SKA2: variants seen among roughly 807,000 people sequenced by gnomAD.
The protein encoded by SKA2 is spindle and kinetochore associated complex subunit 2, also known as spindle and kinetochore-associated protein 2.
A neutral mutation model predicts 16.9 loss-of-function variants in SKA2; 13 were observed. That is an observed-to-expected ratio of 0.77 (90% CI 0.50 to 1.22). The LOEUF is 1.22. Among genes scored for constraint, SKA2 ranks in the 50% most tolerant of loss-of-function variants. SKA2 has a pLI of 0.00. For synonymous variants in SKA2, 47 were observed against 48.5 expected, an observed-to-expected ratio of 0.97 and a Z score of 0.13; for missense variants, 107 against 139.7, an observed-to-expected ratio of 0.77 and a Z score of 1.18.
At chr17:59,142,690 G>A (rs2046500389) in intron 1 of SKA2, among the ~76,000 whole-genome samples, 2 of 151,696 alleles carry the variant, frequency 1.3e-5, no homozygotes, top group Admixed American at 1.3e-4. Context: ...ACTCTGGGAA[G>A]CCGAGGTGGG....
At chr17:59,130,626 CAA>C (rs1002412711) in intron 2 of SKA2, among the ~76,000 whole-genome samples, 2 of 123,972 alleles carry the variant, frequency 1.6e-5, no homozygotes, top group Non-Finnish European at 1.7e-5. Flanking sequence ...TGATCCGTCT[CAA>C]AAAAAAAAAA....
intron 1 of SKA2, 110 bp downstream of exon 1, chr17:59,155,021 G>A (rs998752239): frequency 3.7e-6 from 6 of 1,613,848 alleles, no homozygotes; most frequent in African/African-American, 1.3e-5. Context: ...ACTCGACTCT[G>A]GTCCAGCCTC....
At chr17:59,146,466 TC>T (rs2046533276) in intron 1 of SKA2, among the ~76,000 whole-genome samples, 1 of 150,174 alleles carries the variant, frequency 6.7e-6, no homozygotes, top group Non-Finnish European at 1.5e-5. Context: ...GCCACTACAC[TC>T]CAACCTGGGT....
At chr17:59,113,875 T>G (rs951367401) in intron 3 of SKA2, among the ~76,000 whole-genome samples, 1 of 151,896 alleles carries the variant, frequency 6.6e-6, no homozygotes, top group African/African-American at 2.4e-5. Flanking sequence ...CCACAATAAC[T>G]TCAGAAAAAG....
At chr17:59,125,540 A>T (rs572295808) in intron 2 of SKA2, among the ~76,000 whole-genome samples, 4 of 151,692 alleles carry the variant, frequency 2.6e-5, no homozygotes, top group Admixed American at 6.6e-5. Flanking sequence ...GTCTCTAATA[A>T]AAATACAAAA....
chr17:59,141,918 C>A (rs1018957259), intron 1 of SKA2, among the ~76,000 whole-genome samples: 1 of 152,036 alleles, frequency 6.6e-6, no homozygotes, highest in Non-Finnish European at 1.5e-5. Flanking sequence ...CTGGTAGGAC[C>A]TTTGCTACTG....
intron 2 of SKA2, among the ~76,000 whole-genome samples, chr17:59,121,074 C>T (rs1457723786): frequency 6.6e-6 from 1 of 151,488 alleles, no homozygotes; most frequent in African/African-American, 2.4e-5. Flanking sequence ...ATCGCTTGAA[C>T]CCGGGAGGCA....
At chr17:59,129,429 T>C (rs2046395393) in intron 2 of SKA2, 1 of 149,022 alleles carries the variant, frequency 6.7e-6, no homozygotes, top group African/African-American at 2.5e-5. Context: ...GATACTACAC[T>C]TGATCTTAGC....
chr17:59,118,021 T>A (rs2046308264), intron 3 of SKA2: 1 of 152,246 alleles, frequency 6.6e-6, no homozygotes, highest in African/African-American at 2.4e-5. Context: ...TCCCAGCACT[T>A]TGGGAGGCTG....
intron 1 of SKA2, among the ~76,000 whole-genome samples, chr17:59,146,800 G>A (rs1568311440): frequency 2.0e-5 from 3 of 152,088 alleles, no homozygotes; most frequent in Non-Finnish European, 1.5e-5. Flanking sequence ...ACGTAGCTGG[G>A]ACTACAGGCA....
chr17:59,139,993 C>T (rs2046475878), intron 1 of SKA2, among the ~76,000 whole-genome samples: 2 of 152,186 alleles, frequency 1.3e-5, no homozygotes, highest in South Asian at 2.1e-4. Flanking sequence ...AAGCTAAGGA[C>T]CACTTATATC....
At chr17:59,125,684 CAAA>C (rs201568121) in intron 2 of SKA2, among the ~76,000 whole-genome samples, 8 of 82,690 alleles carry the variant, frequency 9.7e-5, no homozygotes, top group Admixed American at 1.3e-4. Flanking sequence ...ACTCCGTCTC[CAAA>C]AAAAAAAAAA....
rs141163950 is a variant in SKA2 at position 59,120,890 on chromosome 17, C to T, written c.121-1395G>A. Among the ~76,000 whole-genome samples the T allele has an allele frequency of 5.9e-3, 902 of 151,730 alleles. 4 individuals carry two copies. Among genetic ancestry groups the T allele is most frequent in the African/African-American group, 0.021 (872 of 41,372 alleles). On this transcript the variant is annotated intron_variant, in intron 2 of 3. Coordinates refer to ENST00000330137, the MANE Select transcript of SKA2 (RefSeq NM_182620.4). ...GGGTTAGGCCGGGCGCAGTGGCTCA[C>T]GCCTGTAATCCCAGCACTTTGGGAG... is the stretch of plus-strand genomic sequence containing the variant.
At position 59,110,816 on chromosome 17, in the gene SKA2, T is replaced by C. The variant is rs2147788732; in HGVS notation, c.*1461A>G. On this transcript the variant is annotated 3_prime_UTR_variant, in exon 4 of 4. Transcript: ENST00000330137. ...AAAAAAAAAAAAAAAAAAAAAGGCT[T>C]TCTGTTCTTGAAATATTCAAACTAG... is the stretch of plus-strand genomic sequence containing the variant. The C allele has an allele frequency of 6.6e-6, 1 of 150,450 alleles. No homozygotes were observed. Among genetic ancestry groups the C allele is most frequent in the East Asian group, 1.9e-4 (1 of 5,172 alleles). The allele number at this position is 150,450 out of a possible 1,614,324, so 9.3% of individuals were successfully genotyped here.
rs910682492 is a variant in SKA2, at chr17:59,110,207, T to A, written c.*2070A>T. On this transcript the variant is annotated 3_prime_UTR_variant, in exon 4 of 4. Coordinates refer to ENST00000330137, the MANE Select transcript of SKA2 (RefSeq NM_182620.4). ...AAATGAAAATGTATTGAGAAGTGCA[T>A]AGAGAACAATGTTAAGGGGGCTGTG... is the stretch of plus-strand genomic sequence containing the variant. The A allele has an allele frequency of 2.0e-5, 3 of 151,938 alleles. 1 individual carries two copies. The South Asian group carries it at 6.2e-4, about 31-fold the overall frequency. The allele number at this position is 151,938 out of a possible 1,614,324, so 9.4% of individuals were successfully genotyped here. A position where few individuals can be genotyped will look rare whatever the true frequency, so the allele number is the denominator to read the frequency against.
At chr17:59,143,862 A>G (rs1823196929) in intron 1 of SKA2, among the ~76,000 whole-genome samples, 1 of 152,178 alleles carries the variant, frequency 6.6e-6, no homozygotes, top group Non-Finnish European at 1.5e-5. Context: ...TAAAATGATT[A>G]AAAATGTTTA....
At chr17:59,117,532 G>A (rs188113317) in intron 3 of SKA2, among the ~76,000 whole-genome samples, 1 of 151,706 alleles carries the variant, frequency 6.6e-6, no homozygotes, top group South Asian at 2.1e-4. Flanking sequence ...GGAACTACCA[G>A]CATGCACTCC....
chr17:59,144,615 C>CA (rs1257634420), intron 1 of SKA2, among the ~76,000 whole-genome samples: 1 of 151,850 alleles, frequency 6.6e-6, no homozygotes, highest in East Asian at 1.9e-4. Context: ...TATGCTGCCA[C>CA]AAAAAAATGG....
chr17:59,113,929 G>A (rs1312179888), intron 3 of SKA2, among the ~76,000 whole-genome samples: 2 of 152,032 alleles, frequency 1.3e-5, no homozygotes, highest in East Asian at 1.9e-4. Flanking sequence ...AACAATGTAA[G>A]GACTCCATTT....
Sources: allele counts gnomAD v4.1 joint callset (sites outside exome capture counted in the v4.1 genomes callset), GRCh38; gene constraint gnomAD v4.1.1; transcripts MANE v1.5; gene names NCBI Gene and HGNC (gene_info 2026-07-23, HGNC 2026-07-21).